Variants in LRTM3 observed in about 807,000 individuals in gnomAD.
LRTM3 encodes the protein leucine rich repeat transmembrane protein 3.
chr13:102,747,173 T>C, the LRTM3 span: 1 of 1,550,838 alleles, frequency 6.4e-7, no homozygotes, highest in South Asian at 1.2e-5. Flanking sequence ...TTCTTCCCTT[T>C]CAATTTGGGA....
chr13:102,736,516 C>T, the LRTM3 span: 4 of 1,551,188 alleles, frequency 2.6e-6, no homozygotes, highest in African/African-American at 5.5e-5. Context: ...ATTCCTGGAT[C>T]TCAAGATGTG....
the LRTM3 span, chr13:102,747,062 G>A: frequency 4.5e-6 from 7 of 1,550,964 alleles, no homozygotes; most frequent in African/African-American, 8.2e-5. Context: ...ATGCAGGACT[G>A]CTTTTGGTAG....
At chr13:102,730,821 G>A in the LRTM3 span, 2 of 1,551,410 alleles carry the variant, frequency 1.3e-6, no homozygotes, top group Non-Finnish European at 1.7e-6. Context: ...AGCCCCAGGA[G>A]AAAACGAAGG....
the LRTM3 span, chr13:102,731,860 C>T: frequency 1.3e-6 from 2 of 1,550,020 alleles, no homozygotes; most frequent in Non-Finnish European, 1.7e-6. Context: ...TAGATGGACA[C>T]TCTGTGGGTG....
chr13:102,748,046 G>A, the LRTM3 span: 2 of 1,550,948 alleles, frequency 1.3e-6, no homozygotes, highest in Middle Eastern at 3.3e-4. Context: ...CTTCTCATCT[G>A]GTAATTTCTC....
the LRTM3 span, chr13:102,729,527 G>T: frequency 1.3e-6 from 2 of 1,492,780 alleles, no homozygotes; most frequent in Non-Finnish European, 1.8e-6. Flanking sequence ...TATATTCCAA[G>T]AACTTGAAAT....
the LRTM3 span, chr13:102,742,710 C>T: frequency 3.2e-6 from 5 of 1,550,712 alleles, no homozygotes; most frequent in Non-Finnish European, 4.4e-6. Flanking sequence ...AAAGGTCTAC[C>T]TTGGGGACTT....
At chr13:102,732,480 G>C in the LRTM3 span, 2 of 1,550,732 alleles carry the variant, frequency 1.3e-6, no homozygotes, top group African/African-American at 2.7e-5. Flanking sequence ...TTACGTTTGG[G>C]AGAAAGAGGA....
chr13:102,747,394 C>T, the LRTM3 span: 1 of 1,549,720 alleles, frequency 6.5e-7, no homozygotes, highest in East Asian at 2.4e-5. Flanking sequence ...TAATATAAGG[C>T]ATCAGTGAGA....
the LRTM3 span, chr13:102,744,564 T>C: frequency 6.4e-7 from 1 of 1,550,498 alleles, no homozygotes; most frequent in African/African-American, 1.4e-5. Flanking sequence ...CTAAAGTGTG[T>C]TTCTTGCTTT....
the LRTM3 span, chr13:102,729,557 C>G: frequency 4.0e-6 from 6 of 1,517,062 alleles, no homozygotes; most frequent in African/African-American, 8.5e-5. Flanking sequence ...TAGGGGAATT[C>G]TGAAGTTTCT....
At chr13:102,749,836 A>G in the LRTM3 span, 3 of 1,551,318 alleles carry the variant, frequency 1.9e-6, no homozygotes, top group South Asian at 2.4e-5. Context: ...TAACCATTCC[A>G]ACAGAAGGTT....
chr13:102,743,128 C>A, the LRTM3 span: 2 of 1,550,448 alleles, frequency 1.3e-6, no homozygotes, highest in African/African-American at 1.4e-5. Context: ...AGAATGGATC[C>A]ATTTCTGTAA....
chr13:102,755,813 G>C, the LRTM3 span, among the ~76,000 whole-genome samples: 1 of 149,296 alleles, frequency 6.7e-6, no homozygotes. Flanking sequence ...AAAATTATTT[G>C]AAGGTGTCAA....
At chr13:102,748,186 C>G in the LRTM3 span, 4 of 1,551,006 alleles carry the variant, frequency 2.6e-6, no homozygotes, top group South Asian at 4.8e-5. Context: ...ATGCATCAGA[C>G]GTTTCTTTAT....
chr13:102,739,944 G>A, the LRTM3 span: 3 of 1,550,198 alleles, frequency 1.9e-6, no homozygotes, highest in African/African-American at 4.1e-5. Flanking sequence ...TTGAGTATAT[G>A]TGAAAATACT....
chr13:102,734,937 C>T, the LRTM3 span: 4 of 1,551,106 alleles, frequency 2.6e-6, no homozygotes, highest in Non-Finnish European at 3.5e-6. Flanking sequence ...AAAATATCAC[C>T]AGCAATTGGC....
chr13:102,736,384 G>T, the LRTM3 span: 2 of 1,550,968 alleles, frequency 1.3e-6, no homozygotes, highest in Non-Finnish European at 1.7e-6. Flanking sequence ...CACCATTGGG[G>T]TGCATCAGGC....
the LRTM3 span, chr13:102,739,580 T>A: frequency 6.5e-7 from 1 of 1,550,350 alleles, no homozygotes; most frequent in South Asian, 1.2e-5. Flanking sequence ...CTTGCCCTCT[T>A]GTTTTATAAT....
Sources: gnomAD v4.1 joint callset for allele counts (sites outside exome capture counted in the v4.1 genomes callset) on GRCh38, gnomAD v4.1.1 for gene constraint, MANE v1.5 for transcripts, NCBI Gene and HGNC (gene_info 2026-07-23, HGNC 2026-07-21) for gene names.